Variants in LSG1 observed in about 807,000 individuals in gnomAD.
The protein encoded by LSG1 is large subunit GTPase 1 homolog.
A neutral mutation model predicts 82.6 loss-of-function variants in LSG1; 55 were observed. The observed-to-expected ratio is 0.67, with a 90% CI of 0.54 to 0.83. The LOEUF is 0.83. Among genes scored for constraint, LSG1 ranks in the 40% least tolerant of loss-of-function variants. The probability of loss-of-function intolerance (pLI) is 0.00; values close to 1 mark genes in which losing one functional copy is unlikely to be tolerated. For missense variants in LSG1, 809 were observed against 807.9 expected (o/e 1.00, Z -0.02); for synonymous variants, 272 against 282.5 (o/e 0.96, Z 0.37).
At chr3:194,660,382 A>T (rs980399663) in intron 5 of LSG1, among the ~76,000 whole-genome samples, 1 of 152,226 alleles carries the variant, frequency 6.6e-6, no homozygotes, top group Admixed American at 6.5e-5. Flanking sequence ...CCTGGACCAG[A>T]GGTGATGCTC....
intron 7 of LSG1, among the ~76,000 whole-genome samples, chr3:194,657,788 G>C (rs940436759): frequency 6.6e-6 from 1 of 152,186 alleles, no homozygotes; most frequent in African/African-American, 2.4e-5. Context: ...AGAGTCCTCA[G>C]ATCAAAGGGT....
intron 8 of LSG1, chr3:194,651,446 T>C: frequency 1.9e-6 from 1 of 527,254 alleles, no homozygotes; most frequent in East Asian, 3.3e-5. Context: ...TTTAATATTA[T>C]ATGTTTTGCT....
At chr3:194,657,796 G>A (rs536844200) in intron 7 of LSG1, among the ~76,000 whole-genome samples, 4 of 152,248 alleles carry the variant, frequency 2.6e-5, no homozygotes, top group South Asian at 4.1e-4. Flanking sequence ...CAGATCAAAG[G>A]GTAGGGTGGC....
intron 10 of LSG1, 108 bp from the exon 11 acceptor site, chr3:194,648,912 T>G (rs1191379436): frequency 2.8e-6 from 3 of 1,082,958 alleles, no homozygotes; most frequent in Non-Finnish European, 4.1e-6. Flanking sequence ...ACAAACACTC[T>G]CTCCTCTCCA....
intron 12 of LSG1, chr3:194,645,535 G>GACACACACACACACACAGACACACACAC (rs1718514130): frequency 2.9e-5 from 1 of 34,962 alleles, no homozygotes; most frequent in African/African-American, 9.6e-5. Flanking sequence ...CACACAGACA[G>GACACACACACACACACAGACACACACAC]ACACACACAC....
chr3:194,652,554 T>C (rs1230995827), intron 8 of LSG1, among the ~76,000 whole-genome samples, 175 bp downstream of exon 8: 2 of 152,184 alleles, frequency 1.3e-5, no homozygotes, highest in East Asian at 3.9e-4. Context: ...GTTGATTCCT[T>C]TGAGTTGGGC....
At chr3:194,658,250 C>T (rs1421706180) in intron 7 of LSG1, among the ~76,000 whole-genome samples, 1 of 152,070 alleles carries the variant, frequency 6.6e-6, no homozygotes, top group Non-Finnish European at 1.5e-5. Context: ...CAGGTTCAGC[C>T]GATTCTCCTG....
rs779577370 is a variant in LSG1, at chr3:194,648,808, G to C, written c.1420-4C>G. Reference sequence around the variant, plus strand: ...GTCTTGGAATATTCTGGCAAACGTAGCTTGTCAGGGAATCCATTCTCTTGA... The same window carrying C: ...GTCTTGGAATATTCTGGCAAACGTACCTTGTCAGGGAATCCATTCTCTTGA... On this transcript the variant is annotated splice_region_variant and splice_polypyrimidine_tract_variant and intron_variant, in intron 10 of 13. Coordinates refer to ENST00000265245, the MANE Select transcript of LSG1 (RefSeq NM_018385.3). The C allele has an allele frequency of 5.6e-6, 9 of 1,613,668 alleles. No homozygotes were observed. The highest frequency in any genetic ancestry group is 7.6e-6 in the Non-Finnish European group (9 of 1,179,872).
At chr3:194,649,069 A>G (rs1718616578) in intron 10 of LSG1, 2 of 320,318 alleles carry the variant, frequency 6.2e-6, no homozygotes, top group Non-Finnish European at 1.1e-5. Flanking sequence ...TAAAGATGAC[A>G]CATTTTTACC....
rs1046468481 is a variant in LSG1 at position 194,641,124 on chromosome 3, A to G, written c.*944T>C. 1 of 152,232 alleles carries G rather than the reference A, an allele frequency of 6.6e-6. No homozygotes were observed. The highest frequency in any genetic ancestry group is 1.5e-5 in the Non-Finnish European group (1 of 68,040). 9.4% of individuals were successfully genotyped at this position (152,232 alleles called of 1,614,324 possible). On this transcript the variant is annotated 3_prime_UTR_variant, in exon 14 of 14. Coordinates refer to ENST00000265245, the MANE Select transcript of LSG1 (RefSeq NM_018385.3). ...AGACTCGGTGAGGACACAGATCCAA[A>G]CCACATCAACAGTGCTTTCATGCTT...
intron 5 of LSG1, among the ~76,000 whole-genome samples, chr3:194,663,138 G>T (rs146906357): frequency 6.6e-6 from 1 of 151,980 alleles, no homozygotes; most frequent in African/African-American, 2.4e-5. Context: ...TCAAGGTCCG[G>T]GCTGCAGTAC....
At chr3:194,661,946 C>A (rs1032589513) in intron 5 of LSG1, among the ~76,000 whole-genome samples, 2 of 152,174 alleles carry the variant, frequency 1.3e-5, no homozygotes, top group Non-Finnish European at 2.9e-5. Flanking sequence ...GTAAGAGGGG[C>A]TTCCTGTTAA....
At chr3:194,667,942 A>AATATATATATATATAT (rs763693435) in intron 2 of LSG1, among the ~76,000 whole-genome samples, 3 of 86,966 alleles carry the variant, frequency 3.4e-5, no homozygotes, top group African/African-American at 9.6e-5. Context: ...AAAAAAAAAA[A>AATATATATATATATAT]ATATATATAT....
intron 8 of LSG1, 58 bp from the exon 9 acceptor site, chr3:194,651,274 A>C: frequency 1.7e-6 from 2 of 1,159,614 alleles, no homozygotes; most frequent in African/African-American, 1.5e-5. Flanking sequence ...AAAAGACTCA[A>C]AGATATGACA....
At chr3:194,647,379 G>A (rs1396298954) in intron 11 of LSG1, among the ~76,000 whole-genome samples, 1 of 152,136 alleles carries the variant, frequency 6.6e-6, no homozygotes, top group Non-Finnish European at 1.5e-5. Flanking sequence ...ACCATGTATA[G>A]GAAAATGTGA....
intron 1 of LSG1, 162 bp downstream of exon 1, chr3:194,671,902 C>T: frequency 1.5e-6 from 1 of 687,610 alleles, no homozygotes; most frequent in African/African-American, 1.8e-5. Context: ...CTGGGCCTTG[C>T]CAGGAGGAGG....
intron 1 of LSG1, among the ~76,000 whole-genome samples, chr3:194,671,221 C>G (rs558976025): frequency 2.7e-4 from 41 of 152,308 alleles, no homozygotes; most frequent in Admixed American, 2.6e-3. Context: ...CATGTTCAAT[C>G]TTCCCACAGT....
chr3:194,656,880 C>T (rs2108618764), intron 7 of LSG1, among the ~76,000 whole-genome samples: 1 of 152,212 alleles, frequency 6.6e-6, no homozygotes, highest in African/African-American at 2.4e-5. Context: ...CCATCATTCT[C>T]AGCAAACTAT....
rs1370807937 is a variant in LSG1, at chr3:194,645,511, C to CACACACACACACACACACAGACAG, written c.1623+629_1623+652dup. On this transcript the variant is annotated intron_variant, in intron 12 of 13. Coordinates refer to ENST00000265245, the MANE Select transcript of LSG1 (RefSeq NM_018385.3). ...GCTTAGTGCTACACACACACACACA[C>CACACACACACACACACACAGACAG]ACACACACACACACACACAGACAGA... 2.5e-3 allele frequency: 107 copies of CACACACACACACACACACAGACAG among 43,220 alleles called. 3 individuals carry two copies. The highest frequency in any genetic ancestry group is 4.0e-3 in the East Asian group (5 of 1,244). 2.7% of individuals were successfully genotyped at this position (43,220 alleles called of 1,614,324 possible). A position where few individuals can be genotyped will look rare whatever the true frequency, so the allele number is the denominator to read the frequency against.
Sources: allele counts gnomAD v4.1 joint callset (sites outside exome capture counted in the v4.1 genomes callset), GRCh38; gene constraint gnomAD v4.1.1; transcripts MANE v1.5; gene names NCBI Gene and HGNC (gene_info 2026-07-23, HGNC 2026-07-21).